Variants in STK32B observed in about 807,000 individuals in gnomAD.
The protein encoded by STK32B is serine/threonine kinase 32B, also known as serine/threonine-protein kinase 32B.
STK32B carries 43 observed loss-of-function variants against 52.6 expected under a neutral mutation model. The ratio of observed to expected loss-of-function variants is 0.82; its 90% CI spans 0.64 to 1.05. The LOEUF (loss-of-function observed/expected upper bound fraction) is 1.05, where lower values mean the gene tolerates loss of function less well. STK32B is among the 50% of genes least tolerant of loss of function. The probability of loss-of-function intolerance (pLI) is 0.00; values close to 1 mark genes in which losing one functional copy is unlikely to be tolerated. For synonymous variants in STK32B, 238 were observed against 204.3 expected (o/e 1.17, Z -1.41); for missense variants, 621 against 534.6 (o/e 1.16, Z -1.59).
intron 11 of STK32B, among the ~76,000 whole-genome samples, chr4:5,495,207 G>A (rs1720114975): frequency 6.6e-6 from 1 of 152,124 alleles, no homozygotes; most frequent in Admixed American, 6.5e-5. Flanking sequence ...TCACTTTCAG[G>A]TACACCAATC....
At chr4:5,293,865 T>C (rs1729036968) in intron 3 of STK32B, among the ~76,000 whole-genome samples, 1 of 152,170 alleles carries the variant, frequency 6.6e-6, no homozygotes, top group Non-Finnish European at 1.5e-5. Flanking sequence ...TCTTTGCCCA[T>C]GCCTATGTCC....
intron 3 of STK32B, among the ~76,000 whole-genome samples, chr4:5,243,436 C>G (rs887231991): frequency 1.1e-4 from 17 of 152,266 alleles, no homozygotes; most frequent in East Asian, 3.9e-4. Context: ...TCTGTATCCT[C>G]AGACTTTGCT....
chr4:5,119,414 A>T (rs1577080156), intron 1 of STK32B, among the ~76,000 whole-genome samples: 1 of 152,372 alleles, frequency 6.6e-6, no homozygotes, highest in Non-Finnish European at 1.5e-5. Context: ...TGCCATTTCC[A>T]CATGGAAAAG....
chr4:5,385,478 G>C (rs1340215145), intron 4 of STK32B, among the ~76,000 whole-genome samples: 1 of 147,338 alleles, frequency 6.8e-6, no homozygotes, highest in Non-Finnish European at 1.5e-5. Flanking sequence ...TTTGGCTGGG[G>C]GTTCTGGCTC....
At chr4:5,114,090 G>A (rs1714576660) in intron 1 of STK32B, among the ~76,000 whole-genome samples, 1 of 151,906 alleles carries the variant, frequency 6.6e-6, no homozygotes, top group Non-Finnish European at 1.5e-5. Context: ...GATTTGGGTG[G>A]GGACACAGCC....
At chr4:5,267,382 C>T (rs1243361158) in intron 3 of STK32B, among the ~76,000 whole-genome samples, 1 of 152,152 alleles carries the variant, frequency 6.6e-6, no homozygotes, top group Non-Finnish European at 1.5e-5. Flanking sequence ...TCCCCGCTTT[C>T]CCTGAGTTTC....
intron 3 of STK32B, among the ~76,000 whole-genome samples, chr4:5,296,349 A>G (rs1026509340): frequency 1.3e-5 from 2 of 152,118 alleles, no homozygotes; most frequent in African/African-American, 4.8e-5. Context: ...TCTGTCTAAT[A>G]TGGAAAGTGA....
At chr4:5,094,880 A>G (rs1179638929) in intron 1 of STK32B, among the ~76,000 whole-genome samples, 1 of 152,196 alleles carries the variant, frequency 6.6e-6, no homozygotes, top group African/African-American at 2.4e-5. Context: ...TGTCTGAATC[A>G]ACAGTGCAAT....
intron 4 of STK32B, among the ~76,000 whole-genome samples, chr4:5,372,123 AC>A (rs1735283893): frequency 6.6e-6 from 1 of 152,188 alleles, no homozygotes; most frequent in Admixed American, 6.5e-5. Context: ...CAGCTGAGCA[AC>A]CCCTTGGAGG....
chr4:5,336,779 A>G (rs1367415741), intron 4 of STK32B, among the ~76,000 whole-genome samples: 1 of 152,214 alleles, frequency 6.6e-6, no homozygotes, highest in Non-Finnish European at 1.5e-5. Flanking sequence ...GGAAGAAATC[A>G]TCAATGAAAC....
intron 3 of STK32B, among the ~76,000 whole-genome samples, chr4:5,316,708 T>TGAC (rs1265104640): frequency 3.7e-3 from 1 of 272 alleles, no homozygotes; most frequent in African/African-American, 0.018. Flanking sequence ...TATTATAATA[T>TGAC]ATAATATAAT....
chr4:5,432,063 T>C (rs1174796347), intron 6 of STK32B, among the ~76,000 whole-genome samples: 3 of 152,226 alleles, frequency 2.0e-5, no homozygotes, highest in African/African-American at 7.2e-5. Context: ...CTAGCTTACA[T>C]CTGTTGAGAA....
chr4:5,417,709 A>G (rs1460307279), intron 6 of STK32B, among the ~76,000 whole-genome samples: 1 of 151,964 alleles, frequency 6.6e-6, no homozygotes, highest in African/African-American at 2.4e-5. Context: ...TTACGTGTTA[A>G]TTCTGAATGT....
intron 2 of STK32B, among the ~76,000 whole-genome samples, chr4:5,150,357 A>C (rs1433827494): frequency 6.6e-6 from 1 of 152,140 alleles, no homozygotes; most frequent in African/African-American, 2.4e-5. Context: ...CATAAGATTC[A>C]CTTCCACTGA....
At position 5,364,098 on chromosome 4, in the gene STK32B, C is replaced by T. The variant is rs1466268833; in HGVS notation, c.434+32705C>T. On this transcript the variant is annotated intron_variant, in intron 4 of 11. Transcript: ENST00000282908. Reference sequence around the variant, plus strand: ...CTTAAAAACATTCACTGACCCCCCCCACTGTCCACAGGACAAAGTCTTAAT... The same window carrying T: ...CTTAAAAACATTCACTGACCCCCCCTACTGTCCACAGGACAAAGTCTTAAT... Among the ~76,000 whole-genome samples, 3 of 137,430 alleles carry T rather than the reference C, an allele frequency of 2.2e-5. No individual in the cohort carries two copies. The South Asian group carries it at 7.1e-4, about 32-fold the overall frequency. The allele number at this position is 137,430 out of a possible 152,430, so 90.2% of individuals were successfully genotyped here.
the STK32B span, among the ~76,000 whole-genome samples, chr4:5,021,485 C>G: frequency 4.6e-5 from 7 of 152,184 alleles, no homozygotes; most frequent in Non-Finnish European, 5.9e-5. Context: ...GGCAGAATAG[C>G]TGGCCCCAGC....
rs901682322 is a variant in STK32B, at chr4:5,386,596, C to T, written c.435-11611C>T. Among the ~76,000 whole-genome samples, 2 of 152,204 alleles carry T rather than the reference C, an allele frequency of 1.3e-5. No homozygotes were observed. The highest frequency in any genetic ancestry group is 2.9e-5 in the Non-Finnish European group (2 of 68,036). The stretch of plus-strand genomic sequence containing the variant: ...CAATTATTTCTTAGATCCCTTTTGG[C>T]TCTAAAATACCTTTCCCAATGACCC... On this transcript the variant is annotated intron_variant, in intron 4 of 11. Coordinates refer to ENST00000282908, the MANE Select transcript of STK32B (RefSeq NM_018401.3). The surrounding 1 kb of genome is among the most constrained non-coding windows in gnomAD (Gnocchi z 4.5).
chr4:5,029,149 A>C, the STK32B span, among the ~76,000 whole-genome samples: 1 of 152,148 alleles, frequency 6.6e-6, no homozygotes, highest in Admixed American at 6.5e-5. Flanking sequence ...ATTTGGGTGG[A>C]GACACAGATC....
chr4:5,242,719 T>A (rs1577234338), intron 3 of STK32B, among the ~76,000 whole-genome samples: 1 of 152,224 alleles, frequency 6.6e-6, no homozygotes, highest in Admixed American at 6.5e-5. Flanking sequence ...AGGTCTAACA[T>A]GTAAGTCTTT....
Sources: allele counts gnomAD v4.1 joint callset (sites outside exome capture counted in the v4.1 genomes callset), GRCh38; gene constraint gnomAD v4.1.1; non-coding constraint Gnocchi (gnomAD v3.1); transcripts MANE v1.5; gene names NCBI Gene and HGNC (gene_info 2026-07-23, HGNC 2026-07-21).